Variants in PPARGC1A observed in about 807,000 individuals in gnomAD.
PPARGC1A encodes peroxisome proliferator-activated receptor gamma coactivator 1-alpha.
A neutral mutation model predicts 88.7 loss-of-function variants in PPARGC1A; 25 were observed. The observed-to-expected ratio is 0.28, with a 90% confidence interval of 0.21 to 0.39. The LOEUF (loss-of-function observed/expected upper bound fraction) is 0.39. Among genes scored for constraint, PPARGC1A ranks in the 10% least tolerant of loss-of-function variants. The pLI is 1.00. For synonymous variants in PPARGC1A, 363 were observed against 355.6 expected (o/e 1.02, Z -0.24); for missense variants, 880 against 968.7 (o/e 0.91, Z 1.22).
chr4:24,375,200 A>C, the PPARGC1A span, among the ~76,000 whole-genome samples: 2 of 152,272 alleles, frequency 1.3e-5, no homozygotes, highest in African/African-American at 2.4e-5. Flanking sequence ...AAAAAGGAAA[A>C]TCAGGTTGAG....
intron 7 of PPARGC1A, chr4:23,820,568 CAA>C (rs1722834735): frequency 4.9e-6 from 2 of 408,656 alleles, no homozygotes; most frequent in Non-Finnish European, 9.9e-6. Flanking sequence ...TGCCTTCTGC[CAA>C]AAGAGCATTC....
the PPARGC1A span, among the ~76,000 whole-genome samples, chr4:24,028,210 G>T: frequency 6.6e-6 from 1 of 152,150 alleles, no homozygotes; most frequent in Non-Finnish European, 1.5e-5. Flanking sequence ...CTGCCACAGG[G>T]TTTGGAAATA....
chr4:24,468,939 T>C, the PPARGC1A span, among the ~76,000 whole-genome samples: 1 of 151,888 alleles, frequency 6.6e-6, no homozygotes, highest in African/African-American at 2.4e-5. Flanking sequence ...GTATTAGATG[T>C]TGAGAGCACA....
At chr4:24,057,871 T>C in the PPARGC1A span, among the ~76,000 whole-genome samples, 1 of 152,208 alleles carries the variant, frequency 6.6e-6, no homozygotes, top group Non-Finnish European at 1.5e-5. Flanking sequence ...AAAACTGTTT[T>C]AATTAGTTTG....
At chr4:24,225,507 G>C in the PPARGC1A span, among the ~76,000 whole-genome samples, 1 of 151,504 alleles carries the variant, frequency 6.6e-6, no homozygotes, top group African/African-American at 2.4e-5. Context: ...TCCAGCCTGG[G>C]TGACAGAGCG....
chr4:23,949,809 G>A, the PPARGC1A span, among the ~76,000 whole-genome samples: 71 of 152,064 alleles, frequency 4.7e-4, no homozygotes, highest in African/African-American at 1.6e-3. Flanking sequence ...AGTGGTGGGG[G>A]AATAAAAACA....
At chr4:23,885,199 C>T (rs1716662070) in intron 1 of PPARGC1A, among the ~76,000 whole-genome samples, 1 of 152,194 alleles carries the variant, frequency 6.6e-6, no homozygotes, top group South Asian at 2.1e-4. Context: ...TCTGATTCTT[C>T]CAGTTAGAAA....
At chr4:24,174,714 C>A in the PPARGC1A span, among the ~76,000 whole-genome samples, 1 of 152,182 alleles carries the variant, frequency 6.6e-6, no homozygotes, top group Admixed American at 6.5e-5. Context: ...CTGCTCGGGG[C>A]ATTTTTCCAT....
At chr4:23,860,593 T>C (rs892041002) in intron 2 of PPARGC1A, among the ~76,000 whole-genome samples, 7 of 152,164 alleles carry the variant, frequency 4.6e-5, no homozygotes, top group African/African-American at 1.7e-4. Flanking sequence ...TAACAAATAA[T>C]GCTATTTAAA....
At chr4:24,109,625 T>G in the PPARGC1A span, among the ~76,000 whole-genome samples, 1 of 152,208 alleles carries the variant, frequency 6.6e-6, no homozygotes, top group Non-Finnish European at 1.5e-5. Context: ...CAAGTCTATT[T>G]AGCATTTATA....
chr4:24,372,337 G>A, the PPARGC1A span, among the ~76,000 whole-genome samples: 6 of 152,218 alleles, frequency 3.9e-5, no homozygotes, highest in South Asian at 2.1e-4. Context: ...CCCACACCAG[G>A]GCTCACACCT....
the PPARGC1A span, among the ~76,000 whole-genome samples, chr4:24,305,242 C>CAT: frequency 6.7e-6 from 1 of 149,328 alleles, no homozygotes; most frequent in Non-Finnish European, 1.5e-5. Flanking sequence ...ATAGCATGAT[C>CAT]ATATATATAA....
the PPARGC1A span, among the ~76,000 whole-genome samples, chr4:24,042,539 G>A: frequency 2.0e-5 from 3 of 152,226 alleles, no homozygotes; most frequent in South Asian, 6.2e-4. Flanking sequence ...TATTCCTTAA[G>A]CCACTGACAG....
At chr4:24,175,436 G>T in the PPARGC1A span, among the ~76,000 whole-genome samples, 5 of 143,058 alleles carry the variant, frequency 3.5e-5, no homozygotes, top group Non-Finnish European at 1.5e-5. Context: ...GCGTAGTGGC[G>T]CAATCTCAGC....
the PPARGC1A span, among the ~76,000 whole-genome samples, chr4:24,425,893 G>A: frequency 6.6e-6 from 1 of 152,124 alleles, no homozygotes; most frequent in Admixed American, 6.5e-5. Context: ...AATGAAAGTT[G>A]ACTAAAGCTA....
chr4:24,290,406 G>A, the PPARGC1A span, among the ~76,000 whole-genome samples: 1 of 151,960 alleles, frequency 6.6e-6, no homozygotes, highest in Non-Finnish European at 1.5e-5. Context: ...TGAATATCCT[G>A]CAAAGCTCAG....
the PPARGC1A span, among the ~76,000 whole-genome samples, chr4:24,281,297 T>A: frequency 6.6e-6 from 1 of 152,224 alleles, no homozygotes; most frequent in African/African-American, 2.4e-5. Context: ...TGGCTCACAG[T>A]TCAGCAGACT....
chr4:24,186,857 T>A, the PPARGC1A span, among the ~76,000 whole-genome samples: 2 of 152,200 alleles, frequency 1.3e-5, no homozygotes, highest in Admixed American at 6.5e-5. Context: ...AAATAAAATT[T>A]AAAAAAACTG....
At chr4:24,031,034 T>C in the PPARGC1A span, among the ~76,000 whole-genome samples, 1 of 151,896 alleles carries the variant, frequency 6.6e-6, no homozygotes, top group Non-Finnish European at 1.5e-5. Flanking sequence ...TCTGGAACGA[T>C]TAGTAGGACT....
Sources: gnomAD v4.1 joint callset for allele counts (sites outside exome capture counted in the v4.1 genomes callset) on GRCh38, gnomAD v4.1.1 for gene constraint, MANE v1.5 for transcripts, NCBI Gene and HGNC (gene_info 2026-07-23, HGNC 2026-07-21) for gene names.